The following SERPINB5 variants were observed in gnomAD, a reference collection of about 807,000 sequenced individuals.
SERPINB5 encodes serpin family B member 5, also known as serpin B5.
A neutral mutation model predicts 32.2 loss-of-function variants in SERPINB5; 27 were observed. That is an observed-to-expected ratio of 0.84 (90% CI 0.62 to 1.16). The LOEUF is 1.16. Among genes scored for constraint, SERPINB5 ranks in the 50% most tolerant of loss-of-function variants. The probability of loss-of-function intolerance (pLI) is 0.00; values close to 1 mark genes in which losing one functional copy is unlikely to be tolerated. For missense variants in SERPINB5, 388 were observed against 436.3 expected, an observed-to-expected ratio of 0.89 and a Z score of 0.99; for synonymous variants, 154 against 157.4, an observed-to-expected ratio of 0.98 and a Z score of 0.16.
rs574179489 is a variant in SERPINB5 at position 63,494,820 on chromosome 18, G to A, written c.567+1725G>A. On this transcript the variant is annotated intron_variant, in intron 5 of 6. Coordinates refer to ENST00000382771, the MANE Select transcript of SERPINB5 (RefSeq NM_002639.5). The stretch of plus-strand genomic sequence containing the variant: ...TTACATAGATCCCCTACTAGCGCAT[G>A]GGATTTTTAAGGTAGGGACAATGCC... Among the ~76,000 whole-genome samples, 20 of 152,274 alleles carry A rather than the reference G, an allele frequency of 1.3e-4. No homozygotes were observed. In the South Asian group the frequency reaches 1.5e-3, roughly 11 times the overall value.
chr18:63,497,092 A>G lies in SERPINB5; in HGVS notation c.568-2028A>G, dbSNP rs1229626085. 4 of 598,380 alleles carry G rather than the reference A, an allele frequency of 6.7e-6. No individual in the cohort carries two copies. In the African/African-American group the frequency reaches 7.3e-5, roughly 11 times the overall value. The allele number at this position is 598,380 out of a possible 1,614,324, so 37.1% of individuals were successfully genotyped here. A position where few individuals can be genotyped will look rare whatever the true frequency, so the allele number is the denominator to read the frequency against. ...GCCTCCTTCTTGAATAGCCCAGAGC[A>G]TTCATCTAAACAGCCTTCCTACAGC... On this transcript the variant is annotated intron_variant, in intron 5 of 6. Coordinates refer to ENST00000382771, the MANE Select transcript of SERPINB5 (RefSeq NM_002639.5).
chr18:63,501,774 T>G (rs913503646), intron 6 of SERPINB5, among the ~76,000 whole-genome samples: 2 of 152,194 alleles, frequency 1.3e-5, no homozygotes, highest in African/African-American at 4.8e-5. Flanking sequence ...TGGTTTTGAT[T>G]TGCATTTCTC....
chr18:63,492,105 G>C (rs935074260), intron 4 of SERPINB5, among the ~76,000 whole-genome samples: 2 of 152,190 alleles, frequency 1.3e-5, no homozygotes, highest in Non-Finnish European at 1.5e-5. Context: ...TTAGGTGAAT[G>C]AAAACCCTTT....
intron 1 of SERPINB5, among the ~76,000 whole-genome samples, chr18:63,481,743 GT>G (rs1285764743): frequency 1.3e-5 from 2 of 152,184 alleles, no homozygotes; most frequent in Non-Finnish European, 2.9e-5. Flanking sequence ...GTTTCTTTAT[GT>G]TTTCCCAGTG....
At position 63,486,853 on chromosome 18, in the gene SERPINB5, T is replaced by C. The variant is rs375347379; in HGVS notation, c.169-93T>C. The C allele has an allele frequency of 3.4e-5, 45 of 1,339,038 alleles. No individual in the cohort carries two copies. The African/African-American group carries it at 5.0e-4, about 15-fold the overall frequency. 82.9% of individuals were successfully genotyped at this position (1,339,038 alleles called of 1,614,324 possible). A position where few individuals can be genotyped will look rare whatever the true frequency, so the allele number is the denominator to read the frequency against. On this transcript the variant is annotated intron_variant, in intron 2 of 6. Transcript: ENST00000382771. ...GGGAACTAGGCAGGAGGAGTCTGTA[T>C]GCCCAAGGACGTTGGTCATTATCAC...
At chr18:63,499,753 C>T (rs576526673) in intron 6 of SERPINB5, among the ~76,000 whole-genome samples, 1 of 152,238 alleles carries the variant, frequency 6.6e-6, no homozygotes, top group South Asian at 2.1e-4. Flanking sequence ...CGTTGCTACG[C>T]ACTGCCAGGT....
At chr18:63,486,758 C>G (rs1277375060) in intron 2 of SERPINB5, 188 bp from the exon 3 acceptor site, 10 of 537,712 alleles carry the variant, frequency 1.9e-5, no homozygotes, top group Non-Finnish European at 3.3e-5. Context: ...CTGCAGTGCC[C>G]AGGACAGCCC....
At chr18:63,501,306 T>A (rs990341424) in intron 6 of SERPINB5, among the ~76,000 whole-genome samples, 2 of 151,496 alleles carry the variant, frequency 1.3e-5, no homozygotes, top group Non-Finnish European at 2.9e-5. Context: ...TGGTTTGTTG[T>A]CCTTGTGATA....
chr18:63,503,519 G>A lies in SERPINB5; in HGVS notation c.925G>A (p.Glu309Lys). 6.2e-7 allele frequency: 1 copy of A among 1,614,206 alleles called. No homozygotes were observed. Among genetic ancestry groups the A allele is most frequent in the Non-Finnish European group, 8.5e-7 (1 of 1,180,034 alleles). ...EDTSDFSGMSETKGVALSNVI... is the reference protein window; with the variant it reads ...EDTSDFSGMSKTKGVALSNVI... ...CACATCTGATTTCTCTGGAATGTCA[G>A]AGACCAAGGGAGTGGCCCTATCAAA... Residue 309 changes from glutamate (E) to lysine (K), a missense_variant, in exon 7 of 7, where the codon GAG becomes AAG. Glu to Lys is a moderately conservative substitution (Grantham distance 56). Coordinates refer to ENST00000382771, the MANE Select transcript of SERPINB5 (RefSeq NM_002639.5).
At chr18:63,479,530 G>C (rs1000164703) in intron 1 of SERPINB5, among the ~76,000 whole-genome samples, 1 of 152,134 alleles carries the variant, frequency 6.6e-6, no homozygotes, top group African/African-American at 2.4e-5. Context: ...TATCCTGTAG[G>C]ACTCACCTTT....
chr18:63,484,275 C>G, intron 1 of SERPINB5, 147 bp from the exon 2 acceptor site: 1 of 830,044 alleles, frequency 1.2e-6, no homozygotes, highest in African/African-American at 1.7e-5. Context: ...CACAACTGAT[C>G]TTACTTTTGA....
At chr18:63,495,961 G>A (rs975676219) in intron 5 of SERPINB5, among the ~76,000 whole-genome samples, 2 of 152,078 alleles carry the variant, frequency 1.3e-5, no homozygotes, top group African/African-American at 2.4e-5. Context: ...CTTATGCCCC[G>A]TGGTGTCTCC....
intron 4 of SERPINB5, among the ~76,000 whole-genome samples, chr18:63,489,945 C>G (rs529808944): frequency 6.6e-6 from 1 of 152,208 alleles, no homozygotes; most frequent in Non-Finnish European, 1.5e-5. Flanking sequence ...GTAATCCCAG[C>G]ACTTTGGGAG....
rs2144513606 is a variant in SERPINB5 at position 63,503,496 on chromosome 18, C to T, written c.902C>T (p.Thr301Ile). Reference protein sequence around the residue: ...LGLKHIFSEDTSDFSGMSETK... With the variant: ...LGLKHIFSEDISDFSGMSETK... ...CTGAAACATATCTTCAGTGAAGACACATCTGATTTCTCTGGAATGTCAGAG... is the reference window on the plus strand; with the variant it reads ...CTGAAACATATCTTCAGTGAAGACATATCTGATTTCTCTGGAATGTCAGAG... The change falls in exon 7 of 7, where the codon ACA becomes ATA. Residue 301 changes from threonine (T) to isoleucine (I), a missense_variant. Physicochemically the swap from Thr to Ile is moderately conservative, Grantham distance 89 (BLOSUM62 -1). Coordinates refer to ENST00000382771, the MANE Select transcript of SERPINB5 (RefSeq NM_002639.5). The T allele has an allele frequency of 6.2e-7, 1 of 1,614,192 alleles. No individual in the cohort carries two copies. The highest frequency in any genetic ancestry group is 8.5e-7 in the Non-Finnish European group (1 of 1,180,030).
At chr18:63,494,321 C>CAAA (rs372412366) in intron 5 of SERPINB5, among the ~76,000 whole-genome samples, 50 of 46,520 alleles carry the variant, frequency 1.1e-3, no homozygotes, top group African/African-American at 1.5e-3. Flanking sequence ...GACTCCATCT[C>CAAA]AAAAAAAAAA....
chr18:63,503,047 C>A lies in SERPINB5; in HGVS notation c.736-283C>A, dbSNP rs116959270. On this transcript the variant is annotated intron_variant, in intron 6 of 6. Transcript: ENST00000382771. ...AAAAAAACCCAAACAAACAAACAAA[C>A]AAACAAAAAACTACTCTCTAACTTA... 4.4e-3 allele frequency among the ~76,000 whole-genome samples: 670 copies of A among 152,022 alleles called. 47 individuals are homozygous for A. In the East Asian group the frequency reaches 0.12, roughly 27 times the overall value.
rs61735448 is a variant in SERPINB5 at position 63,486,973 on chromosome 18, G to A, written c.196G>A (p.Val66Ile). The A allele has an allele frequency of 2.4e-3, 3,804 of 1,614,084 alleles. 83 individuals are homozygous for A. In the African/African-American group the frequency reaches 0.045, roughly 19 times the overall value. The stretch of plus-strand genomic sequence containing the variant: ...TCTTCATTTTGAAAATGTCAAAGAT[G>A]TACCCTTTGGATTTCAAACAGTAAC... ...QVLHFENVKD[V>I]PFGFQTVTSD... Residue 66 changes from valine to isoleucine, a missense_variant, in exon 3 of 7, where the codon GTA (valine) becomes ATA (isoleucine). By Grantham distance (29) the Val-to-Ile change is conservative. Coordinates refer to ENST00000382771, the MANE Select transcript of SERPINB5 (RefSeq NM_002639.5).
chr18:63,481,255 A>C (rs1379414324), intron 1 of SERPINB5, among the ~76,000 whole-genome samples: 1 of 152,270 alleles, frequency 6.6e-6, no homozygotes, highest in Non-Finnish European at 1.5e-5. Flanking sequence ...ATAATGCTTT[A>C]GTGAAATAAA....
intron 4 of SERPINB5, 97 bp from the exon 5 acceptor site, chr18:63,492,856 C>T: frequency 6.9e-7 from 1 of 1,454,738 alleles, no homozygotes; most frequent in Non-Finnish European, 9.4e-7. Context: ...TGGTGTGACT[C>T]CATGAAGTGG....
Sources: gnomAD v4.1 joint callset for allele counts (sites outside exome capture counted in the v4.1 genomes callset) on GRCh38, gnomAD v4.1.1 for gene constraint, MANE v1.5 for transcripts, NCBI Gene and HGNC (gene_info 2026-07-23, HGNC 2026-07-21) for gene names.